Variants in KNTC1 observed in about 807,000 individuals in gnomAD.
The protein encoded by KNTC1 is kinetochore-associated protein 1.
A neutral mutation model predicts 314.4 loss-of-function variants in KNTC1; 253 were observed. The ratio of observed to expected loss-of-function variants is 0.80; its 90% confidence interval spans 0.73 to 0.89. The LOEUF (loss-of-function observed/expected upper bound fraction) is 0.89. Among genes scored for constraint, KNTC1 ranks in the 40% least tolerant of loss-of-function variants. KNTC1 has a pLI of 0.00. For synonymous variants in KNTC1, 901 were observed against 901.4 expected (o/e 1.00, Z 0.01); for missense variants, 2,475 against 2,572.9 (o/e 0.96, Z 0.82).
chr12:122,562,753 T>C, intron 20 of KNTC1, 54 bp downstream of exon 20: 1 of 1,048,808 alleles, frequency 9.5e-7, no homozygotes, highest in Admixed American at 1.9e-5. Flanking sequence ...CTCACGCCTG[T>C]AATCCCAGCA....
In KNTC1 at chr12:122,601,626, G is replaced by A; in HGVS notation, c.4653+1G>A. ...GATAACCAATATTAATATTAATCAG[G>A]TATAACAAATATATCAAAGATGTAA... On this transcript the variant is annotated splice_donor_variant, in intron 45 of 63. Coordinates refer to ENST00000333479, the MANE Select transcript of KNTC1 (RefSeq NM_014708.6). LOFTEE classifies it high-confidence loss of function. 1 of 1,490,038 alleles carries A rather than the reference G, an allele frequency of 6.7e-7. No individual in the cohort carries two copies. The highest frequency in any genetic ancestry group is 8.9e-7 in the Non-Finnish European group (1 of 1,121,944). 92.3% of individuals were successfully genotyped at this position (1,490,038 alleles called of 1,614,324 possible).
At chr12:122,591,263 G>T in intron 41 of KNTC1, 74 bp from the exon 42 acceptor site, 4 of 795,640 alleles carry the variant, frequency 5.0e-6, no homozygotes, top group Non-Finnish European at 9.0e-6. Flanking sequence ...TTTTATTGTT[G>T]CGTTTCGTCT....
Position 122,590,712 on chromosome 12 carries a change from T to C in KNTC1, c.4105T>C (p.Trp1369Arg). ...TCTCTGGAAGCTCATAGATAAAGCATGGCAGAATTACGACAAAATCTTGGT... is the reference window on the plus strand; with the variant it reads ...TCTCTGGAAGCTCATAGATAAAGCACGGCAGAATTACGACAAAATCTTGGT... Reference protein sequence around the residue: ...ENLWKLIDKAWQNYDKILAIS... With the variant: ...ENLWKLIDKARQNYDKILAIS... The change falls in exon 41 of 64, where the codon TGG (tryptophan) becomes CGG (arginine). Residue 1369 changes from tryptophan (W) to arginine (R), a missense_variant. Physicochemically the swap from Trp to Arg is moderately radical, Grantham distance 101. Coordinates refer to ENST00000333479, the MANE Select transcript of KNTC1 (RefSeq NM_014708.6). 1 of 1,613,320 alleles carries C rather than the reference T, an allele frequency of 6.2e-7. No individual in the cohort carries two copies. The highest frequency in any genetic ancestry group is 8.5e-7 in the Non-Finnish European group (1 of 1,179,490).
chr12:122,580,071 G>A (rs1226915472), intron 32 of KNTC1, 94 bp downstream of exon 32: 16 of 771,686 alleles, frequency 2.1e-5, no homozygotes, highest in Non-Finnish European at 3.3e-5. Context: ...CGTACCCGCA[G>A]TTTTTCTGGT....
intron 6 of KNTC1, among the ~76,000 whole-genome samples, chr12:122,542,766 A>G (rs1962445166): frequency 7.3e-6 from 1 of 136,114 alleles, no homozygotes; most frequent in African/African-American, 3.6e-5. Flanking sequence ...CTCTGTCTCA[A>G]AAAAAAAAAT....
chr12:122,604,690 C>A, intron 49 of KNTC1, 53 bp downstream of exon 49: 1 of 1,348,988 alleles, frequency 7.4e-7, no homozygotes, highest in Non-Finnish European at 1.1e-6. Flanking sequence ...TTAAATTGTA[C>A]TAGCTTAATT....
At position 122,542,091 on chromosome 12, in the gene KNTC1, TGTATTAC is replaced by T. The variant is rs1313375807; in HGVS notation, c.488_494del (p.Cys163Ter). 6.5e-7 allele frequency: 1 copy of T among 1,540,240 alleles called. No individual in the cohort carries two copies. Among genetic ancestry groups the T allele is most frequent in the East Asian group, 2.3e-5 (1 of 43,354 alleles). ...ACTTCTTACATACAGTGGATTTTTT[TGTATTAC>T]AAACCTTCAGCTTTTAAAAATTCAA... On this transcript the variant is annotated frameshift_variant, in exon 6 of 64. Transcript: ENST00000333479. LOFTEE classifies it high-confidence loss of function.
chr12:122,564,715 G>T (rs907799643), intron 20 of KNTC1, among the ~76,000 whole-genome samples: 1 of 151,814 alleles, frequency 6.6e-6, no homozygotes, highest in South Asian at 2.1e-4. Flanking sequence ...CAAGCGATCT[G>T]CCTGCCTCGG....
intron 32 of KNTC1, among the ~76,000 whole-genome samples, chr12:122,580,210 T>C (rs1173801117): frequency 6.6e-6 from 1 of 152,222 alleles, no homozygotes; most frequent in African/African-American, 2.4e-5. Flanking sequence ...ACTTACTATT[T>C]AGTGCTAGAC....
chr12:122,529,452 C>T (rs1961122119), intron 1 of KNTC1, among the ~76,000 whole-genome samples: 2 of 152,114 alleles, frequency 1.3e-5, no homozygotes. Flanking sequence ...GGGTAAACCT[C>T]ATAAGGTTTC....
intron 16 of KNTC1, among the ~76,000 whole-genome samples, chr12:122,554,076 A>AAAAATATATATATATATATATAT (rs370146333): frequency 1.3e-4 from 14 of 109,040 alleles, no homozygotes; most frequent in Admixed American, 3.9e-4. Flanking sequence ...AAAAAAAAAA[A>AAAAATATATATATATATATATAT]ATATATATAT....
intron 59 of KNTC1, among the ~76,000 whole-genome samples, chr12:122,619,708 G>A (rs975432274): frequency 5.3e-5 from 8 of 151,978 alleles, no homozygotes; most frequent in East Asian, 3.9e-4. Flanking sequence ...CACCGCGCCC[G>A]GCCAACACTT....
intron 53 of KNTC1, among the ~76,000 whole-genome samples, chr12:122,612,346 G>A (rs1159379530): frequency 2.6e-5 from 4 of 151,496 alleles, no homozygotes; most frequent in African/African-American, 7.3e-5. Context: ...GATTACAGGC[G>A]TGAGCCACTG....
intron 59 of KNTC1, 59 bp downstream of exon 59, chr12:122,618,604 T>G: frequency 8.2e-7 from 1 of 1,223,616 alleles, no homozygotes; most frequent in Non-Finnish European, 1.2e-6. Context: ...TAAGATTCCC[T>G]TCTAATAGAT....
At chr12:122,569,137 T>C (rs895800745) in intron 21 of KNTC1, among the ~76,000 whole-genome samples, 1 of 152,206 alleles carries the variant, frequency 6.6e-6, no homozygotes, top group Non-Finnish European at 1.5e-5. Context: ...CCTACACTTA[T>C]ACCACTGAAC....
rs543526775 is a variant in KNTC1 at position 122,538,966 on chromosome 12, G to T, written c.366+512G>T. Among the ~76,000 whole-genome samples, 4 of 152,324 alleles carry T rather than the reference G, an allele frequency of 2.6e-5. No homozygotes were observed. In the East Asian group the frequency reaches 7.7e-4, roughly 29 times the overall value. Reference sequence around the variant, plus strand: ...TAGGAAATACTTGGTGAAAGGCCAGGGTTGAAGTCCACCTTGTCTTCAGCT... The same window carrying T: ...TAGGAAATACTTGGTGAAAGGCCAGTGTTGAAGTCCACCTTGTCTTCAGCT... On this transcript the variant is annotated intron_variant, in intron 4 of 63. Transcript: ENST00000333479.
At chr12:122,540,100 AAT>A (rs972267105) in intron 5 of KNTC1, among the ~76,000 whole-genome samples, 2 of 151,814 alleles carry the variant, frequency 1.3e-5, no homozygotes, top group Admixed American at 6.6e-5. Flanking sequence ...ACTTCTGACT[AAT>A]ATCCAATCAA....
At chr12:122,554,097 A>ATATATATATG (rs1963412820) in intron 16 of KNTC1, among the ~76,000 whole-genome samples, 1 of 143,106 alleles carries the variant, frequency 7.0e-6, no homozygotes, top group African/African-American at 2.6e-5. Context: ...ATATATATAT[A>ATATATATATG]TATTTGTATT....
intron 54 of KNTC1, 37 bp downstream of exon 54, chr12:122,613,267 A>C (rs1251093893): frequency 1.5e-6 from 2 of 1,344,522 alleles, no homozygotes; most frequent in Non-Finnish European, 1.1e-6. Flanking sequence ...AAGAAATAGG[A>C]AACAGATCAT....
Sources: gnomAD v4.1 joint callset for allele counts (sites outside exome capture counted in the v4.1 genomes callset) on GRCh38, gnomAD v4.1.1 for gene constraint, MANE v1.5 for transcripts, NCBI Gene and HGNC (gene_info 2026-07-23, HGNC 2026-07-21) for gene names.